Variants in SUPT3H observed in about 807,000 individuals in gnomAD.
SUPT3H encodes transcription initiation protein SPT3 homolog.
Under a neutral mutation model 44.3 loss-of-function variants are expected in SUPT3H, and 44 were observed. The ratio of observed to expected loss-of-function variants is 0.99; its 90% confidence interval spans 0.78 to 1.28. SUPT3H has a LOEUF of 1.28. Among genes scored for constraint, SUPT3H ranks in the 50% most tolerant of loss-of-function variants. The pLI, the probability that SUPT3H is intolerant of heterozygous loss-of-function variation, is 0.00. For missense variants in SUPT3H, 380 were observed against 387.1 expected (o/e 0.98, Z 0.15); for synonymous variants, 124 against 125.6 (o/e 0.99, Z 0.09).
chr6:45,128,551 TATATATACACACAC>T (rs1387771050), intron 2 of SUPT3H, among the ~76,000 whole-genome samples: 3 of 68,136 alleles, frequency 4.4e-5, no homozygotes, highest in African/African-American at 2.5e-4. Context: ...TATATATATA[TATATATACACACAC>T]ACACACACAC....
chr6:45,209,768 G>A (rs963886986), intron 2 of SUPT3H, among the ~76,000 whole-genome samples: 21 of 152,182 alleles, frequency 1.4e-4, no homozygotes, highest in Non-Finnish European at 1.5e-5. Context: ...TTCTGCTGTG[G>A]GTAAAATGCT....
chr6:44,842,055 C>A (rs1055548291), intron 10 of SUPT3H, among the ~76,000 whole-genome samples: 5 of 152,100 alleles, frequency 3.3e-5, no homozygotes, highest in African/African-American at 1.2e-4. Flanking sequence ...GATAAAGTGA[C>A]ATTTAGAGGC....
At chr6:45,341,279 C>T (rs1789721225) in intron 2 of SUPT3H, among the ~76,000 whole-genome samples, 1 of 152,100 alleles carries the variant, frequency 6.6e-6, no homozygotes, top group African/African-American at 2.4e-5. Flanking sequence ...AGAAAAAATG[C>T]TGATTAGAAA....
intron 2 of SUPT3H, among the ~76,000 whole-genome samples, chr6:45,252,282 A>G (rs1772511674): frequency 6.6e-6 from 1 of 152,228 alleles, no homozygotes; most frequent in African/African-American, 2.4e-5. Context: ...AACTGACTTA[A>G]TTCTCCAGCT....
At chr6:45,221,003 G>A (rs1765949880) in intron 2 of SUPT3H, among the ~76,000 whole-genome samples, 1 of 152,152 alleles carries the variant, frequency 6.6e-6, no homozygotes. Context: ...ACTGGATTAA[G>A]AAAATATGGC....
chr6:45,103,400 T>C (rs1369130094), intron 3 of SUPT3H, among the ~76,000 whole-genome samples: 1 of 152,172 alleles, frequency 6.6e-6, no homozygotes, highest in Non-Finnish European at 1.5e-5. Context: ...CATCAAATAA[T>C]GTTCCACCTT....
chr6:45,207,141 G>GT (rs1763333857), intron 2 of SUPT3H, among the ~76,000 whole-genome samples: 2 of 152,190 alleles, frequency 1.3e-5, no homozygotes, highest in East Asian at 3.9e-4. Context: ...TCTAGGAGAT[G>GT]AGTAGAAACG....
Position 45,282,397 on chromosome 6 carries a change from T to C in SUPT3H, c.101+82804A>G, listed in dbSNP as rs182641121. Among the ~76,000 whole-genome samples the C allele has an allele frequency of 2.1e-3, 326 of 152,156 alleles. 1 individual carries two copies. Among genetic ancestry groups the C allele is most frequent in the African/African-American group, 7.5e-3 (311 of 41,516 alleles). On this transcript the variant is annotated intron_variant, in intron 2 of 10. Coordinates refer to ENST00000371459, the MANE Select transcript of SUPT3H (RefSeq NM_003599.4). ...AATGCAGAGAAGTCCTTAAAGGACC[T>C]GATGGAGCTGAAAACCATGGCACGA...
chr6:45,173,827 G>C (rs1811235096), intron 2 of SUPT3H, among the ~76,000 whole-genome samples: 2 of 152,114 alleles, frequency 1.3e-5, no homozygotes, highest in South Asian at 4.1e-4. Flanking sequence ...TCCTCTTCTG[G>C]GGGAAGACAT....
rs150049096 is a variant in SUPT3H at position 45,139,711 on chromosome 6, A to C, written c.102-33705T>G. ...GCCACACGAAATATAAAAGCAGAAG[A>C]AGCAGCAGGAAGAGTCTTGCAGGCA... On this transcript the variant is annotated intron_variant, in intron 2 of 10. Coordinates refer to ENST00000371459, the MANE Select transcript of SUPT3H (RefSeq NM_003599.4). Among the ~76,000 whole-genome samples the C allele has an allele frequency of 1.8e-3, 276 of 152,250 alleles. 2 individuals are homozygous for C. Among genetic ancestry groups the C allele is most frequent in the South Asian group, 0.015 (71 of 4,816 alleles).
intron 2 of SUPT3H, among the ~76,000 whole-genome samples, chr6:45,125,502 C>A (rs1298773797): frequency 6.6e-6 from 1 of 152,096 alleles, no homozygotes; most frequent in Non-Finnish European, 1.5e-5. Context: ...ATCTTCCTCT[C>A]ATAGAGTATG....
intron 2 of SUPT3H, among the ~76,000 whole-genome samples, chr6:45,192,273 G>A (rs919630493): frequency 1.3e-5 from 2 of 152,042 alleles, no homozygotes; most frequent in Non-Finnish European, 2.9e-5. Flanking sequence ...TATAGATTTT[G>A]CAAGGGGAAA....
intron 2 of SUPT3H, among the ~76,000 whole-genome samples, chr6:45,279,993 T>C (rs1290986929): frequency 6.6e-6 from 1 of 152,184 alleles, no homozygotes; most frequent in Admixed American, 6.5e-5. Context: ...ACAACAACTT[T>C]TGAGTCATTT....
chr6:45,100,706 A>G (rs1166154855), intron 3 of SUPT3H, among the ~76,000 whole-genome samples: 4 of 152,138 alleles, frequency 2.6e-5, no homozygotes, highest in Admixed American at 2.6e-4. Flanking sequence ...TATAATTAAT[A>G]ATACCAAATG....
intron 10 of SUPT3H, among the ~76,000 whole-genome samples, chr6:44,895,261 T>G (rs1168193060): frequency 5.3e-5 from 8 of 150,968 alleles, no homozygotes; most frequent in East Asian, 1.9e-4. Flanking sequence ...CTTGTTTTTT[T>G]TTTTTTTTTT....
At chr6:45,275,178 A>T (rs7771402) in intron 2 of SUPT3H, among the ~76,000 whole-genome samples, 1,874 of 152,230 alleles carry the variant, frequency 0.012, 49 homozygotes, top group African/African-American at 0.043. Flanking sequence ...TAACATCACA[A>T]AATAAACTGG....
rs1562747134 is a variant in SUPT3H at position 45,230,688 on chromosome 6, T to TATATATATATATATATATA, written c.102-124683_102-124682insTATATATATATATATATAT. On this transcript the variant is annotated intron_variant, in intron 2 of 10. Transcript: ENST00000371459. Reference sequence around the variant, plus strand: ...TATATATATATATATATATATATATTTTTGAGATGGAGTCTTGCTCTATCA... The same window carrying TATATATATATATATATATA: ...TATATATATATATATATATATATATTATATATATATATATATATATTTGAGATGGAGTCTTGCTCTATCA... Among the ~76,000 whole-genome samples, 10 of 39,850 alleles carry TATATATATATATATATATA rather than the reference T, an allele frequency of 2.5e-4. No individual in the cohort carries two copies. The East Asian group carries it at 8.1e-3, about 32-fold the overall frequency. The allele number at this position is 39,850 out of a possible 152,430, so 26.1% of individuals were successfully genotyped here. A position where few individuals can be genotyped will look rare whatever the true frequency, so the allele number is the denominator to read the frequency against.
At chr6:45,161,033 T>TA (rs1808872511) in intron 2 of SUPT3H, among the ~76,000 whole-genome samples, 1 of 152,036 alleles carries the variant, frequency 6.6e-6, no homozygotes, top group Non-Finnish European at 1.5e-5. Flanking sequence ...TCTGGTTGTT[T>TA]AAGTGTGTTC....
At chr6:45,044,969 T>C (rs1789142739) in intron 3 of SUPT3H, among the ~76,000 whole-genome samples, 1 of 152,174 alleles carries the variant, frequency 6.6e-6, no homozygotes. Flanking sequence ...TTGACATCTC[T>C]AAGGTAGCAG....
Sources: gnomAD v4.1 joint callset for allele counts (sites outside exome capture counted in the v4.1 genomes callset) on GRCh38, gnomAD v4.1.1 for gene constraint, MANE v1.5 for transcripts, NCBI Gene and HGNC (gene_info 2026-07-23, HGNC 2026-07-21) for gene names.